TSPOAP1: variants seen among roughly 807,000 people sequenced by gnomAD.
The protein encoded by TSPOAP1 is peripheral-type benzodiazepine receptor-associated protein 1.
Under a neutral mutation model 197.0 loss-of-function variants are expected in TSPOAP1, and 87 were observed. The observed-to-expected ratio is 0.44, with a 90% CI of 0.37 to 0.53. The LOEUF (loss-of-function observed/expected upper bound fraction) is 0.53. Ranked by LOEUF, TSPOAP1 falls within the 20% of genes least tolerant of loss-of-function variation. TSPOAP1 has a pLI of 0.00. For missense variants in TSPOAP1, 2,174 were observed against 2,411.3 expected, an observed-to-expected ratio of 0.90 and a Z score of 2.06; for synonymous variants, 913 against 998.9, an observed-to-expected ratio of 0.91 and a Z score of 1.62.
At chr17:58,306,001 CT>C in intron 26 of TSPOAP1, 136 bp from the exon 27 acceptor site, 2 of 950,838 alleles carry the variant, frequency 2.1e-6, no homozygotes, top group Non-Finnish European at 3.1e-6. Context: ...CTCCCCAACC[CT>C]TTTGTGTGGC....
Position 58,305,087 on chromosome 17 carries a change from G to A in TSPOAP1, c.5518C>T (p.Pro1840Ser). 6.2e-7 allele frequency: 1 copy of A among 1,613,948 alleles called. No homozygotes were observed. Among genetic ancestry groups the A allele is most frequent in the Non-Finnish European group, 8.5e-7 (1 of 1,179,900 alleles). Residue 1840 changes from proline to serine, a missense_variant, in exon 30 of 32, where the codon CCC becomes TCC. By Grantham distance (74) the Pro-to-Ser change is moderately conservative. Around this residue, in one of 5 missense-constraint regions of TSPOAP1, gnomAD observed 60 missense variants for 56.2 expected, o/e 1.07. Coordinates refer to ENST00000343736, the MANE Select transcript of TSPOAP1 (RefSeq NM_004758.4). ...GPEAGGLDRE[P>S]RTPQAESQRT... ...TGACTCTCAGCCTGGGGTGTCCTGGGTTCCCTGTCCAGGCCGCCTGCCTCA... is the reference window on the plus strand; with the variant it reads ...TGACTCTCAGCCTGGGGTGTCCTGGATTCCCTGTCCAGGCCGCCTGCCTCA...
At chr17:58,320,653 G>C in intron 10 of TSPOAP1, 72 bp from the exon 11 acceptor site, 1 of 1,210,222 alleles carries the variant, frequency 8.3e-7, no homozygotes, top group Non-Finnish European at 1.1e-6. Flanking sequence ...GGCTGCGAGG[G>C]AGGAAGGGTA....
chr17:58,311,463 A>C, intron 18 of TSPOAP1, 108 bp downstream of exon 18: 1 of 1,465,012 alleles, frequency 6.8e-7, no homozygotes, highest in Non-Finnish European at 9.1e-7. Context: ...CATGGTACCC[A>C]AATGCCAGGG....
chr17:58,325,375 TC>T (rs1209494912), intron 4 of TSPOAP1, 158 bp downstream of exon 4: 15 of 887,568 alleles, frequency 1.7e-5, no homozygotes, highest in Non-Finnish European at 2.4e-5. Context: ...CACCCCCTTC[TC>T]CCCTCTCCCA....
At position 58,322,486 on chromosome 17, in the gene TSPOAP1, C is replaced by T; in HGVS notation, c.1318-74G>A. The T allele has an allele frequency of 6.4e-7, 1 of 1,565,314 alleles. No homozygotes were observed. The highest frequency in any genetic ancestry group is 8.6e-7 in the Non-Finnish European group (1 of 1,156,260). The stretch of plus-strand genomic sequence containing the variant: ...CTAGAGAAGATCTAAGATGAGGAAG[C>T]CTCAAACACCATTTGCTCCAGATTC... On this transcript the variant is annotated intron_variant, in intron 9 of 31. Coordinates refer to ENST00000343736, the MANE Select transcript of TSPOAP1 (RefSeq NM_004758.4). The surrounding 1 kb of genome is among the most constrained non-coding windows in gnomAD (Gnocchi z 5.0).
In TSPOAP1 at chr17:58,322,452, T is replaced by A; in HGVS notation, c.1318-40A>T. On this transcript the variant is annotated intron_variant, in intron 9 of 31. Coordinates refer to ENST00000343736, the MANE Select transcript of TSPOAP1 (RefSeq NM_004758.4). This position sits in a 1 kb window ranked among gnomAD's most constrained non-coding sequence, Gnocchi z 5.0. ...CTGAGTCAAGGCCAGAGCCCCTACT[T>A]GGCCATTTCTAGAGAAGATCTAAGA... 1 of 1,597,032 alleles carries A rather than the reference T, an allele frequency of 6.3e-7. No homozygotes were observed. Among genetic ancestry groups the A allele is most frequent in the Non-Finnish European group, 8.5e-7 (1 of 1,175,818 alleles).
At position 58,328,191 on chromosome 17, in the gene TSPOAP1, G is replaced by A; in HGVS notation, c.-271C>T. 1.9e-6 allele frequency: 1 copy of A among 513,738 alleles called. No individual in the cohort carries two copies. The highest frequency in any genetic ancestry group is 3.5e-6 in the Non-Finnish European group (1 of 282,968). The allele number at this position is 513,738 out of a possible 1,614,324, so 31.8% of individuals were successfully genotyped here. On this transcript the variant is annotated 5_prime_UTR_variant, in exon 1 of 32. Transcript: ENST00000343736. This position sits in a 1 kb window ranked among gnomAD's most constrained non-coding sequence, Gnocchi z 4.3. ...TGTGGAGGAGCGAGGGTGTCCCTGT[G>A]GGGGTAGGGAGGATGTGCAGAGGCC... is the stretch of plus-strand genomic sequence containing the variant.
rs1971360901 is a variant in TSPOAP1 at position 58,320,102 on chromosome 17, G to A, written c.1494+7C>T. On this transcript the variant is annotated splice_region_variant and intron_variant, in intron 12 of 31. Coordinates refer to ENST00000343736, the MANE Select transcript of TSPOAP1 (RefSeq NM_004758.4). ...GAGGTGTGGGGAAGTGGAGAACGAGGCGCTACCTGCATGGAATCCAAGGTA... is the reference window on the plus strand; with the variant it reads ...GAGGTGTGGGGAAGTGGAGAACGAGACGCTACCTGCATGGAATCCAAGGTA... 5.6e-6 allele frequency: 9 copies of A among 1,614,034 alleles called. No individual in the cohort carries two copies. In the South Asian group the frequency reaches 7.7e-5, roughly 14 times the overall value.
At position 58,312,438 on chromosome 17, in the gene TSPOAP1, G is replaced by C; in HGVS notation, c.2383C>G (p.Arg795Gly). 6 of 1,613,022 alleles carry C rather than the reference G, an allele frequency of 3.7e-6. No individual in the cohort carries two copies. The highest frequency in any genetic ancestry group is 5.1e-6 in the Non-Finnish European group (6 of 1,179,774). The stretch of plus-strand genomic sequence containing the variant: ...AGCTGCTTGAGGACCACCAGACGGC[G>C]GGGGTAAGGCACGGCAGGAGGCTCG... ...LGEPPAVPYP[R>G]RLVVLKQLAH... The change falls in exon 17 of 32, where the codon CGC becomes GGC. Residue 795 changes from arginine to glycine, a missense_variant. Transcript: ENST00000343736.
At chr17:58,325,330 A>G (rs1598083751) in intron 4 of TSPOAP1, 1 of 668,930 alleles carries the variant, frequency 1.5e-6, no homozygotes, top group Non-Finnish European at 2.5e-6. Context: ...TCAAGCCTGG[A>G]GCACAGAAAT....
intron 14 of TSPOAP1, among the ~76,000 whole-genome samples, chr17:58,317,708 G>A (rs1005763312): frequency 2.0e-5 from 3 of 152,214 alleles, no homozygotes; most frequent in Admixed American, 2.0e-4. Flanking sequence ...TATGAGTGAT[G>A]CCCAGGAGCT....
rs1425309586 is a variant in TSPOAP1, at chr17:58,308,799, G to T, written c.4473C>A (p.Ser1491=). 1.2e-6 allele frequency: 2 copies of T among 1,612,900 alleles called. No homozygotes were observed. The highest frequency in any genetic ancestry group is 4.5e-5 in the East Asian group (2 of 44,892). ...CAATGCTGATTTCCAAGCACTTGGG[G>T]GAAAGGCAGCTGGCCAGGCCAGGCT... ...ALEPGLASCL[S]PKCLEISIEY... Residue 1491 remains serine (S), a synonymous_variant, in exon 22 of 32, where the codon TCC becomes TCA. Transcript: ENST00000343736.
rs189010743 is a variant in TSPOAP1, at chr17:58,326,832, C to T, written c.334-42G>A. On this transcript the variant is annotated intron_variant, in intron 1 of 31. Coordinates refer to ENST00000343736, the MANE Select transcript of TSPOAP1 (RefSeq NM_004758.4). This position sits in a 1 kb window ranked among gnomAD's most constrained non-coding sequence, Gnocchi z 4.7. ...CCGAGGACAGCACCTCAGAAACCCA[C>T]GTCACCCAGCCAGAGCCTTCCCTGT... The T allele has an allele frequency of 9.6e-5, 148 of 1,539,292 alleles. 1 individual carries two copies. The East Asian group carries it at 2.5e-3, about 26-fold the overall frequency.
chr17:58,322,028 C>T lies in TSPOAP1; in HGVS notation c.1422+280G>A. On this transcript the variant is annotated intron_variant, in intron 10 of 31. Transcript: ENST00000343736. The surrounding 1 kb of genome is among the most constrained non-coding windows in gnomAD (Gnocchi z 5.0). Reference sequence around the variant, plus strand: ...GGCTGGCAAGGTCAATTGTCACCTCCTCAGGGAGGCCTTCCCTGATGACCT... The same window carrying T: ...GGCTGGCAAGGTCAATTGTCACCTCTTCAGGGAGGCCTTCCCTGATGACCT... 2.3e-6 allele frequency: 1 copy of T among 429,346 alleles called. No individual in the cohort carries two copies. Among genetic ancestry groups the T allele is most frequent in the Admixed American group, 4.0e-5 (1 of 24,912 alleles). The allele number at this position is 429,346 out of a possible 1,614,324, so 26.6% of individuals were successfully genotyped here.
chr17:58,326,522 G>A lies in TSPOAP1; in HGVS notation c.442-101C>T, dbSNP rs1971616651. ...GCTAGAGCCCTAGGCTCACAGTGGG[G>A]TCCTTGGCAACTCTAGGCAGGGGTT... On this transcript the variant is annotated intron_variant, in intron 2 of 31. Transcript: ENST00000343736. The surrounding 1 kb of genome is among the most constrained non-coding windows in gnomAD (Gnocchi z 4.7). 6.4e-7 allele frequency: 1 copy of A among 1,561,960 alleles called. No individual in the cohort carries two copies. Among genetic ancestry groups the A allele is most frequent in the Non-Finnish European group, 8.7e-7 (1 of 1,151,660 alleles).
rs1365687928 is a variant in TSPOAP1, at chr17:58,310,015, G to A, written c.3843C>T (p.Ser1281=). 6.2e-6 allele frequency: 10 copies of A among 1,613,742 alleles called. No individual in the cohort carries two copies. The South Asian group carries it at 9.9e-5, about 16-fold the overall frequency. ...EEEELGSRTC[S]FQKQVAGNSI... ...TGTTGCCAGCAACCTGCTTCTGGAA[G>A]GAGCAAGTCCTGGAACCCAGCTCCT... The change falls in exon 21 of 32, where the codon TCC becomes TCT. Residue 1281 remains serine (S), a synonymous_variant. Transcript: ENST00000343736.
rs144600978 is a variant in TSPOAP1 at position 58,312,558 on chromosome 17, C to A, written c.2263G>T (p.Gly755Trp). 3 of 1,609,304 alleles carry A rather than the reference C, an allele frequency of 1.9e-6. No individual in the cohort carries two copies. The highest frequency in any genetic ancestry group is 2.2e-5 in the East Asian group (1 of 44,810). ...CTCCTTCCCACACTGCTTTGGCCCC[C>A]GCTACTGCTGCCACCCCCACCTACA... ...LSVGGGGSSSGGQSSVGRSQP... is the reference protein window; with the variant it reads ...LSVGGGGSSSWGQSSVGRSQP... Residue 755 changes from glycine to tryptophan, a missense_variant, in exon 17 of 32, where the codon GGG becomes TGG. Coordinates refer to ENST00000343736, the MANE Select transcript of TSPOAP1 (RefSeq NM_004758.4).
chr17:58,325,308 C>T (rs1391661523), intron 4 of TSPOAP1: 2 of 632,756 alleles, frequency 3.2e-6, no homozygotes, highest in Middle Eastern at 4.2e-4. Flanking sequence ...CCAGACCCAC[C>T]GGCAAACAGC....
rs757004736 is a variant in TSPOAP1 at position 58,305,096 on chromosome 17, C to T, written c.5509G>A (p.Asp1837Asn). ...EGPGPEAGGL[D>N]REPRTPQAES... The stretch of plus-strand genomic sequence containing the variant: ...GCCTGGGGTGTCCTGGGTTCCCTGT[C>T]CAGGCCGCCTGCCTCAGGCCCAGGG... The change falls in exon 30 of 32, where the codon GAC becomes AAC. Residue 1837 changes from aspartate to asparagine, a missense_variant. Around this residue, in one of 5 missense-constraint regions of TSPOAP1, gnomAD observed 60 missense variants for 56.2 expected, o/e 1.07. Coordinates refer to ENST00000343736, the MANE Select transcript of TSPOAP1 (RefSeq NM_004758.4). 2.5e-6 allele frequency: 4 copies of T among 1,613,872 alleles called. No individual in the cohort carries two copies. The African/African-American group carries it at 5.3e-5, about 22-fold the overall frequency.
Sources: allele counts gnomAD v4.1 joint callset (sites outside exome capture counted in the v4.1 genomes callset), GRCh38; gene constraint gnomAD v4.1.1; regional missense constraint gnomAD v4.1.1; non-coding constraint Gnocchi (gnomAD v3.1); transcripts MANE v1.5; gene names NCBI Gene and HGNC (gene_info 2026-07-23, HGNC 2026-07-21).